Variants in XPR1 observed in about 807,000 individuals in gnomAD.
The protein encoded by XPR1 is solute carrier family 53 member 1.
A neutral mutation model predicts 87.5 loss-of-function variants in XPR1; 28 were observed. That is an observed-to-expected ratio of 0.32 (90% confidence interval 0.24 to 0.44). The LOEUF (loss-of-function observed/expected upper bound fraction) is 0.44. Ranked by LOEUF, XPR1 falls within the 20% of genes least tolerant of loss-of-function variation. XPR1 has a pLI of 1.00. For synonymous variants in XPR1, 300 were observed against 306.1 expected (o/e 0.98, Z 0.21); for missense variants, 559 against 862.3 (o/e 0.65, Z 4.41).
At chr1:180,655,806 C>CA (rs1290230840) in intron 1 of XPR1, among the ~76,000 whole-genome samples, 2 of 151,310 alleles carry the variant, frequency 1.3e-5, no homozygotes, top group Non-Finnish European at 2.9e-5. Context: ...TACTGAGTAC[C>CA]ATCTTTTTTT....
chr1:180,656,361 A>G (rs903264199), intron 1 of XPR1, among the ~76,000 whole-genome samples: 1 of 112,848 alleles, frequency 8.9e-6, no homozygotes, highest in African/African-American at 3.3e-5. Flanking sequence ...ATATTTATAT[A>G]TATAATATTT....
At chr1:180,741,062 A>G (rs1349894289) in intron 2 of XPR1, among the ~76,000 whole-genome samples, 1 of 152,238 alleles carries the variant, frequency 6.6e-6, no homozygotes, top group Non-Finnish European at 1.5e-5. Flanking sequence ...AGGGTGACAC[A>G]TTCAATCTAT....
At chr1:180,755,441 A>G (rs969330894) in intron 2 of XPR1, among the ~76,000 whole-genome samples, 1 of 152,236 alleles carries the variant, frequency 6.6e-6, no homozygotes, top group African/African-American at 2.4e-5. Context: ...CTGTGTAGAA[A>G]TACACAAAAT....
intron 3 of XPR1, among the ~76,000 whole-genome samples, chr1:180,801,265 T>C (rs146594617): frequency 1.3e-3 from 196 of 152,290 alleles, no homozygotes; most frequent in African/African-American, 4.4e-3. Flanking sequence ...ATGCAGGTGC[T>C]CTCCTCACTA....
rs143320476 is a variant in XPR1, at chr1:180,853,626, G to GACACACACACACAC, written c.1502-10053_1502-10040dup. On this transcript the variant is annotated intron_variant, in intron 11 of 14. Transcript: ENST00000367590. ...TTGGGTATTTTGTTATTAGACTATA[G>GACACACACACACAC]ACACACACACACACACACACACACA... 9.1e-3 allele frequency among the ~76,000 whole-genome samples: 1,276 copies of GACACACACACACAC among 140,290 alleles called. 13 individuals carry two copies. The highest frequency in any genetic ancestry group is 0.015 in the Non-Finnish European group (937 of 64,494). 92.0% of individuals were successfully genotyped at this position (140,290 alleles called of 152,430 possible).
At chr1:180,833,549 A>G (rs967177214) in intron 9 of XPR1, among the ~76,000 whole-genome samples, 10 of 152,312 alleles carry the variant, frequency 6.6e-5, no homozygotes, top group Admixed American at 4.6e-4. Flanking sequence ...CTAGTCTCTG[A>G]TAAAACAGAC....
At chr1:180,717,455 C>A (rs944290886) in intron 2 of XPR1, among the ~76,000 whole-genome samples, 5 of 152,032 alleles carry the variant, frequency 3.3e-5, no homozygotes, top group African/African-American at 1.2e-4. Context: ...GCTGATTGAA[C>A]AACTTATAAC....
intron 2 of XPR1, among the ~76,000 whole-genome samples, chr1:180,760,456 G>C (rs994685474): frequency 3.9e-5 from 6 of 152,120 alleles, no homozygotes; most frequent in Admixed American, 1.3e-4. Flanking sequence ...CACAAGCATT[G>C]TTATACACCA....
chr1:180,664,925 G>A (rs750358820), intron 1 of XPR1, among the ~76,000 whole-genome samples: 2 of 152,158 alleles, frequency 1.3e-5, no homozygotes, highest in East Asian at 1.9e-4. Context: ...ACAAGAGTTC[G>A]TGCTCCTGTG....
At chr1:180,710,040 G>A (rs1432475269) in intron 2 of XPR1, among the ~76,000 whole-genome samples, 2 of 151,802 alleles carry the variant, frequency 1.3e-5, no homozygotes, top group African/African-American at 4.8e-5. Flanking sequence ...CTAGTAGCTG[G>A]TACTACAGGC....
intron 7 of XPR1, among the ~76,000 whole-genome samples, chr1:180,816,486 T>G (rs574877609): frequency 1.9e-4 from 29 of 152,276 alleles, no homozygotes; most frequent in African/African-American, 6.7e-4. Flanking sequence ...CCAGTTCTAA[T>G]AGAAATGCTT....
intron 1 of XPR1, among the ~76,000 whole-genome samples, chr1:180,638,213 T>C (rs970963894): frequency 2.6e-5 from 4 of 152,230 alleles, no homozygotes; most frequent in Non-Finnish European, 5.9e-5. Context: ...TTCATCCTTG[T>C]GTCATCTTTT....
chr1:180,694,802 CA>C (rs1657109011), intron 2 of XPR1, among the ~76,000 whole-genome samples: 3 of 144,110 alleles, frequency 2.1e-5, no homozygotes, highest in Non-Finnish European at 4.6e-5. Flanking sequence ...CACACACACA[CA>C]CCATGTTTTC....
intron 1 of XPR1, among the ~76,000 whole-genome samples, chr1:180,673,120 G>C (rs559975229): frequency 2.6e-5 from 4 of 152,058 alleles, no homozygotes; most frequent in Non-Finnish European, 4.4e-5. Context: ...ATAGGAAGTA[G>C]GAGTTTTTTA....
chr1:180,805,925 C>A, intron 4 of XPR1, 137 bp from the exon 5 acceptor site: 1 of 871,752 alleles, frequency 1.1e-6, no homozygotes, highest in Non-Finnish European at 1.7e-6. Flanking sequence ...GTAGTAGATG[C>A]TTTTATGAAA....
intron 2 of XPR1, among the ~76,000 whole-genome samples, chr1:180,762,610 T>G (rs1180813976): frequency 3.3e-5 from 5 of 152,144 alleles, no homozygotes; most frequent in African/African-American, 1.2e-4. Context: ...TTTAAAGATT[T>G]GTGGTGAATG....
chr1:180,777,847 C>G (rs1356077228), intron 2 of XPR1, among the ~76,000 whole-genome samples: 1 of 152,072 alleles, frequency 6.6e-6, no homozygotes, highest in Non-Finnish European at 1.5e-5. Context: ...CTCTCATAAG[C>G]AGGAGAAACT....
At chr1:180,804,054 C>T (rs1203397923) in intron 4 of XPR1, among the ~76,000 whole-genome samples, 2 of 151,594 alleles carry the variant, frequency 1.3e-5, no homozygotes, top group Non-Finnish European at 1.5e-5. Context: ...GACACGATCT[C>T]GGCTCACTGC....
At chr1:180,791,119 G>A (rs1168231514) in intron 3 of XPR1, among the ~76,000 whole-genome samples, 1 of 152,112 alleles carries the variant, frequency 6.6e-6, no homozygotes, top group African/African-American at 2.4e-5. Flanking sequence ...ATAAAATCAA[G>A]TTTATTAGCT....
Sources: allele counts gnomAD v4.1 joint callset (sites outside exome capture counted in the v4.1 genomes callset), GRCh38; gene constraint gnomAD v4.1.1; transcripts MANE v1.5; gene names NCBI Gene and HGNC (gene_info 2026-07-23, HGNC 2026-07-21).